The following NYAP2 variants were observed in gnomAD, a reference collection of about 807,000 sequenced individuals.
NYAP2 encodes neuronal tyrosine-phosphorylated phosphoinositide-3-kinase adapter 2.
In NYAP2, 23 loss-of-function variants were observed where a neutral mutation model predicts 50.4. The ratio of observed to expected loss-of-function variants is 0.46; its 90% CI spans 0.33 to 0.65. The LOEUF is 0.65. Among genes scored for constraint, NYAP2 ranks in the 30% least tolerant of loss-of-function variants. The pLI is 0.02. For missense variants in NYAP2, 885 were observed against 861.0 expected (o/e 1.03, Z -0.35); for synonymous variants, 394 against 365.2 (o/e 1.08, Z -0.90).
At chr2:225,670,116 T>C in the NYAP2 span, among the ~76,000 whole-genome samples, 1 of 152,218 alleles carries the variant, frequency 6.6e-6, no homozygotes, top group South Asian at 2.1e-4. Context: ...TCATGATTAC[T>C]TCCTCTGACC....
intron 3 of NYAP2, among the ~76,000 whole-genome samples, chr2:225,477,644 T>TAAG (rs1295997330): frequency 6.6e-6 from 1 of 152,192 alleles, no homozygotes; most frequent in African/African-American, 2.4e-5. Context: ...ACTTACTTTA[T>TAAG]AAGAGTCAAT....
intron 4 of NYAP2, among the ~76,000 whole-genome samples, chr2:225,526,114 T>G (rs1691145038): frequency 6.6e-6 from 1 of 152,220 alleles, no homozygotes; most frequent in Non-Finnish European, 1.5e-5. Context: ...GCTACCTTTA[T>G]TTGAGCTTAT....
chr2:225,619,238 G>A (rs1693045644), intron 5 of NYAP2, among the ~76,000 whole-genome samples: 1 of 152,220 alleles, frequency 6.6e-6, no homozygotes, highest in Non-Finnish European at 1.5e-5. Context: ...AGGTTAAGTA[G>A]CAAATACATG....
intron 3 of NYAP2, among the ~76,000 whole-genome samples, chr2:225,434,420 T>C (rs1689334962): frequency 1.3e-5 from 2 of 152,220 alleles, no homozygotes; most frequent in Non-Finnish European, 2.9e-5. Context: ...TCTTAGAGTT[T>C]AGAAGTTTGA....
At chr2:225,452,013 G>A (rs188117254) in intron 3 of NYAP2, among the ~76,000 whole-genome samples, 53 of 152,032 alleles carry the variant, frequency 3.5e-4, no homozygotes, top group African/African-American at 1.2e-3. Context: ...AATATTCAAT[G>A]CCTTGAAAAA....
intron 4 of NYAP2, among the ~76,000 whole-genome samples, chr2:225,520,237 A>G (rs973289629): frequency 4.6e-5 from 7 of 151,966 alleles, no homozygotes; most frequent in South Asian, 2.1e-4. Context: ...GTTCACTCTG[A>G]TGGTAGTTTC....
intron 3 of NYAP2, among the ~76,000 whole-genome samples, chr2:225,453,414 C>T (rs915296739): frequency 2.0e-5 from 3 of 152,110 alleles, no homozygotes; most frequent in Non-Finnish European, 4.4e-5. Context: ...TTCTTTCAAG[C>T]TTCCCAGTGA....
the NYAP2 span, among the ~76,000 whole-genome samples, chr2:225,671,966 A>T: frequency 2.6e-5 from 4 of 152,112 alleles, no homozygotes; most frequent in Non-Finnish European, 5.9e-5. Flanking sequence ...ATAATGCTGT[A>T]AACAGATGTA....
At chr2:225,423,914 G>A (rs1175611000) in intron 3 of NYAP2, among the ~76,000 whole-genome samples, 2 of 152,106 alleles carry the variant, frequency 1.3e-5, no homozygotes, top group Admixed American at 6.6e-5. Flanking sequence ...CCTGCATCAT[G>A]AAGGTATTAT....
intron 5 of NYAP2, among the ~76,000 whole-genome samples, chr2:225,600,776 A>T (rs1692678907): frequency 2.0e-5 from 3 of 152,204 alleles, no homozygotes; most frequent in South Asian, 4.1e-4. Flanking sequence ...GAATACTTCA[A>T]CTATTCTAGG....
chr2:225,679,655 CA>C, the NYAP2 span, among the ~76,000 whole-genome samples: 1 of 151,748 alleles, frequency 6.6e-6, no homozygotes, highest in East Asian at 1.9e-4. Context: ...CCACCATGCC[CA>C]GCTAATTTTT....
At chr2:225,561,762 G>C (rs7589161) in intron 4 of NYAP2, among the ~76,000 whole-genome samples, 24,676 of 151,998 alleles carry the variant, frequency 0.16, 2,220 homozygotes, top group African/African-American at 0.23. Context: ...TTAATAAAAT[G>C]ATTCTTTTTT....
chr2:225,586,882 A>G (rs146518881), intron 5 of NYAP2, among the ~76,000 whole-genome samples: 1 of 152,124 alleles, frequency 6.6e-6, no homozygotes, highest in African/African-American at 2.4e-5. Context: ...ACAAAGAACT[A>G]CTCGAGATTG....
intron 6 of NYAP2, among the ~76,000 whole-genome samples, chr2:225,648,505 G>C (rs1489612120): frequency 6.6e-6 from 1 of 152,096 alleles, no homozygotes; most frequent in East Asian, 1.9e-4. Context: ...TGTGAGCAGA[G>C]AGATTATGGG....
chr2:225,464,578 A>T (rs1347582262), intron 3 of NYAP2, among the ~76,000 whole-genome samples: 1 of 152,198 alleles, frequency 6.6e-6, no homozygotes. Context: ...CTTCCCGGCC[A>T]TTGCAGGGAC....
chr2:225,643,282 G>C (rs534250026), intron 6 of NYAP2, among the ~76,000 whole-genome samples: 1 of 152,098 alleles, frequency 6.6e-6, no homozygotes, highest in Non-Finnish European at 1.5e-5. Context: ...TTCCTAACTG[G>C]TGGTTCCCAA....
chr2:225,617,918 A>G (rs1349715964), intron 5 of NYAP2, among the ~76,000 whole-genome samples: 1 of 152,176 alleles, frequency 6.6e-6, no homozygotes, highest in Non-Finnish European at 1.5e-5. Context: ...CATCCCTTCA[A>G]TTCTCACTGA....
intron 2 of NYAP2, among the ~76,000 whole-genome samples, chr2:225,408,017 G>A (rs190444583): frequency 6.6e-6 from 1 of 152,030 alleles, no homozygotes; most frequent in East Asian, 1.9e-4. Flanking sequence ...CTTCACATCA[G>A]CAGGAGGTAG....
chr2:225,402,378 A>G (rs567440114), intron 2 of NYAP2, among the ~76,000 whole-genome samples: 3 of 152,198 alleles, frequency 2.0e-5, no homozygotes, highest in Non-Finnish European at 4.4e-5. Flanking sequence ...AATTTATTAG[A>G]CTGACTACAT....
Sources: allele counts gnomAD v4.1 joint callset (sites outside exome capture counted in the v4.1 genomes callset), GRCh38; gene constraint gnomAD v4.1.1; transcripts MANE v1.5; gene names NCBI Gene and HGNC (gene_info 2026-07-23, HGNC 2026-07-21).